BORA: variants seen among roughly 807,000 people sequenced by gnomAD.
The protein encoded by BORA is protein aurora borealis.
BORA carries 26 observed loss-of-function variants against 55.8 expected under a neutral mutation model. The ratio of observed to expected loss-of-function variants is 0.47; its 90% CI spans 0.34 to 0.65. The LOEUF is 0.65. Among genes scored for constraint, BORA ranks in the 30% least tolerant of loss-of-function variants. The probability of loss-of-function intolerance (pLI) is 0.01; values close to 1 mark genes in which losing one functional copy is unlikely to be tolerated. For missense variants in BORA, 568 were observed against 671.5 expected, an observed-to-expected ratio of 0.85 and a Z score of 1.70; for synonymous variants, 201 against 216.9, an observed-to-expected ratio of 0.93 and a Z score of 0.64.
In BORA at chr13:72,745,204, T is replaced by C; in HGVS notation, c.735T>C (p.Ser245=). Residue 245 remains serine, a synonymous_variant, in exon 8 of 12, where the codon AGT becomes AGC. Coordinates refer to ENST00000390667, the MANE Select transcript of BORA (RefSeq NM_024808.5). ...VKCRSPLQTP[S]SGQFSSSPIQ... The stretch of plus-strand genomic sequence containing the variant: ...GTAGGAGCCCCTTGCAGACACCAAG[T>C]TCGGTGAGAAGTATACTAAAAAGCA... 1.2e-6 allele frequency: 2 copies of C among 1,612,100 alleles called. No individual in the cohort carries two copies. The highest frequency in any genetic ancestry group is 1.7e-6 in the Non-Finnish European group (2 of 1,178,340).
At chr13:72,746,392 G>A in intron 9 of BORA, 109 bp from the exon 10 acceptor site, 2 of 1,280,204 alleles carry the variant, frequency 1.6e-6, no homozygotes, top group Non-Finnish European at 2.1e-6. Context: ...CAACACAACT[G>A]TTACAGAAAT....
At chr13:72,744,324 G>C (rs1386914006) in intron 6 of BORA, among the ~76,000 whole-genome samples, 181 bp from the exon 7 acceptor site, 1 of 152,220 alleles carries the variant, frequency 6.6e-6, no homozygotes, top group East Asian at 1.9e-4. Context: ...TGCGGAGAGT[G>C]TGGGAAACCA....
chr13:72,747,226 T>C (rs2033170109), intron 10 of BORA, 115 bp downstream of exon 10: 1 of 1,079,334 alleles, frequency 9.3e-7, no homozygotes, highest in African/African-American at 1.6e-5. Flanking sequence ...CAGTATTATA[T>C]AATATTTTTT....
intron 5 of BORA, among the ~76,000 whole-genome samples, chr13:72,739,232 A>G (rs990603883): frequency 6.6e-6 from 1 of 152,230 alleles, no homozygotes; most frequent in Admixed American, 6.5e-5. Flanking sequence ...TTTTCAACAG[A>G]TGAATCAACC....
Position 72,753,838 on chromosome 13 carries a change from G to A in BORA, c.1614+17G>A. The A allele has an allele frequency of 6.3e-7, 1 of 1,598,812 alleles. No homozygotes were observed. The highest frequency in any genetic ancestry group is 8.6e-7 in the Non-Finnish European group (1 of 1,167,372). On this transcript the variant is annotated intron_variant, in intron 11 of 11. Coordinates refer to ENST00000390667, the MANE Select transcript of BORA (RefSeq NM_024808.5). The stretch of plus-strand genomic sequence containing the variant: ...AATATGAAGGTACGGAGAAAATATA[G>A]TGAAAGCTTAATATTGTTTAGATTA...
At chr13:72,730,131 A>G (rs1469461315) in intron 2 of BORA, among the ~76,000 whole-genome samples, 2 of 152,044 alleles carry the variant, frequency 1.3e-5, no homozygotes, top group African/African-American at 2.4e-5. Flanking sequence ...GCTACACTGG[A>G]TAAGTTCTTT....
In BORA at chr13:72,734,990, A is replaced by G; in HGVS notation, c.291A>G (p.Gln97=). The change falls in exon 4 of 12, where the codon CAA becomes CAG. Residue 97 remains glutamine, a synonymous_variant. Coordinates refer to ENST00000390667, the MANE Select transcript of BORA (RefSeq NM_024808.5). ...ATAAAGATGTGGAAGACAAAAGACAAAAAGCCATTGAAGAGGTAACTTAAA... is the reference window on the plus strand; with the variant it reads ...ATAAAGATGTGGAAGACAAAAGACAGAAAGCCATTGAAGAGGTAACTTAAA... ...RIDKDVEDKR[Q]KAIEEFFTKD... 6.3e-7 allele frequency: 1 copy of G among 1,590,636 alleles called. No individual in the cohort carries two copies.
intron 6 of BORA, 79 bp from the exon 7 acceptor site, chr13:72,744,426 C>A: frequency 8.4e-7 from 1 of 1,188,246 alleles, no homozygotes; most frequent in South Asian, 1.3e-5. Context: ...GACTGGGCAG[C>A]ACATGCTGAA....
At chr13:72,730,682 GAA>G (rs1173375874) in intron 2 of BORA, among the ~76,000 whole-genome samples, 1 of 152,098 alleles carries the variant, frequency 6.6e-6, no homozygotes, top group Non-Finnish European at 1.5e-5. Context: ...TGTTAATTGT[GAA>G]AGTTTTATAT....
At chr13:72,746,412 C>G in intron 9 of BORA, 89 bp from the exon 10 acceptor site, 1 of 1,419,396 alleles carries the variant, frequency 7.0e-7, no homozygotes, top group African/African-American at 1.4e-5. Context: ...TGCAGTTTTT[C>G]CTGGCATGAA....
intron 10 of BORA, among the ~76,000 whole-genome samples, chr13:72,751,770 A>G (rs1447509780): frequency 6.6e-6 from 1 of 152,266 alleles, no homozygotes. Flanking sequence ...TAAATGTTTG[A>G]GTTAATGGAT....
intron 6 of BORA, among the ~76,000 whole-genome samples, chr13:72,744,228 T>TC (rs1330098114): frequency 2.0e-5 from 3 of 152,144 alleles, no homozygotes; most frequent in Non-Finnish European, 2.9e-5. Flanking sequence ...GTGAGAAATC[T>TC]CCCCCCAGAT....
intron 7 of BORA, 114 bp from the exon 8 acceptor site, chr13:72,744,865 CTT>C: frequency 6.2e-6 from 6 of 961,248 alleles, no homozygotes; most frequent in Non-Finnish European, 9.2e-6. Flanking sequence ...ACTTTGCCCT[CTT>C]TTTGGGAAAA....
At chr13:72,742,357 G>A (rs932342632) in intron 5 of BORA, among the ~76,000 whole-genome samples, 3 of 149,702 alleles carry the variant, frequency 2.0e-5, no homozygotes, top group Admixed American at 6.7e-5. Flanking sequence ...TTAATCTGGT[G>A]ATTTTTCAAT....
intron 9 of BORA, 103 bp downstream of exon 9, chr13:72,746,179 C>A: frequency 9.2e-7 from 1 of 1,084,320 alleles, no homozygotes; most frequent in Non-Finnish European, 1.3e-6. Flanking sequence ...TCAAAATGAT[C>A]ACTAACCTTC....
chr13:72,747,900 C>T (rs536314649), intron 10 of BORA, among the ~76,000 whole-genome samples: 2 of 152,242 alleles, frequency 1.3e-5, no homozygotes, highest in African/African-American at 4.8e-5. Flanking sequence ...CAACATTTTT[C>T]ATGAAATTAT....
intron 1 of BORA, chr13:72,728,252 C>G (rs1453874901): frequency 1.4e-6 from 1 of 704,410 alleles, no homozygotes; most frequent in Non-Finnish European, 2.6e-6. Context: ...TCCACCCCAC[C>G]CCGCCAAGGT....
intron 5 of BORA, among the ~76,000 whole-genome samples, chr13:72,741,327 C>T (rs1169269566): frequency 5.9e-5 from 9 of 152,176 alleles, no homozygotes; most frequent in South Asian, 2.1e-4. Context: ...ACATCTTTGC[C>T]TTTCCTATAG....
intron 8 of BORA, 136 bp from the exon 9 acceptor site, chr13:72,745,808 C>A: frequency 5.0e-6 from 3 of 601,486 alleles, no homozygotes; most frequent in Non-Finnish European, 5.3e-6. Flanking sequence ...GTCTTTGTTG[C>A]AAGGTGTCTT....
Sources: allele counts gnomAD v4.1 joint callset (sites outside exome capture counted in the v4.1 genomes callset), GRCh38; gene constraint gnomAD v4.1.1; transcripts MANE v1.5; gene names NCBI Gene and HGNC (gene_info 2026-07-23, HGNC 2026-07-21).